ZIM3: variants seen among roughly 807,000 people sequenced by gnomAD.
The protein encoded by ZIM3 is zinc finger protein 657.
ZIM3 carries 11 observed loss-of-function variants against 12.9 expected under a neutral mutation model. The observed-to-expected ratio is 0.85, with a 90% CI of 0.54 to 1.41. The LOEUF (loss-of-function observed/expected upper bound fraction) is 1.41, where lower values mean the gene tolerates loss of function less well. Among genes scored for constraint, ZIM3 ranks in the 40% most tolerant of loss-of-function variants. The pLI is 0.00. For synonymous variants in ZIM3, 205 were observed against 198.5 expected (o/e 1.03, Z -0.28); for missense variants, 604 against 557.2 (o/e 1.08, Z -0.85).
intron 2 of ZIM3, among the ~76,000 whole-genome samples, chr19:57,139,596 C>CAG (rs1436596298): frequency 2.7e-5 from 4 of 148,152 alleles, no homozygotes; most frequent in Non-Finnish European, 6.0e-5. Context: ...TGTCGTGGTG[C>CAG]GCGCCTGTAA....
intron 1 of ZIM3, among the ~76,000 whole-genome samples, chr19:57,143,473 T>A (rs1358412996): frequency 6.6e-6 from 1 of 152,074 alleles, no homozygotes; most frequent in Non-Finnish European, 1.5e-5. Context: ...CCATGAATCC[T>A]GAAGCAGCTG....
intron 1 of ZIM3, among the ~76,000 whole-genome samples, chr19:57,143,299 C>G (rs8112988): frequency 0.33 from 49,745 of 149,466 alleles, 11,672 homozygotes; most frequent in African/African-American, 0.66. Context: ...CCACCGCACT[C>G]CAGCCTGGGC....
intron 2 of ZIM3, 37 bp downstream of exon 2, chr19:57,142,592 A>G (rs2086918304): frequency 6.2e-7 from 1 of 1,610,610 alleles, no homozygotes; most frequent in African/African-American, 1.3e-5. Flanking sequence ...TCATACGTTT[A>G]TTCATTATGA....
chr19:57,135,571 A>G lies in ZIM3; in HGVS notation c.766T>C (p.Cys256Arg). ...TKEKPYQCKTCGKAFSWKSSC... is the reference protein window; with the variant it reads ...TKEKPYQCKTRGKAFSWKSSC... ...GATTTCCAGGAAAAGGCTTTTCCAC[A>G]TGTCTTACACTGATAGGGTTTCTCT... The change falls in exon 5 of 5, where the codon TGT (cysteine) becomes CGT (arginine). Residue 256 changes from cysteine (C) to arginine (R), a missense_variant. Coordinates refer to ENST00000269834, the MANE Select transcript of ZIM3 (RefSeq NM_052882.1). The G allele has an allele frequency of 6.2e-7, 1 of 1,613,942 alleles. No individual in the cohort carries two copies. The highest frequency in any genetic ancestry group is 8.5e-7 in the Non-Finnish European group (1 of 1,179,952).
intron 4 of ZIM3, 139 bp from the exon 5 acceptor site, chr19:57,136,234 T>C (rs1390112559): frequency 1.3e-6 from 1 of 752,328 alleles, no homozygotes; most frequent in Non-Finnish European, 2.2e-6. Flanking sequence ...TAATATAAGC[T>C]CTGTTAGAGT....
In ZIM3 at chr19:57,145,010, G is replaced by T. The variant is rs1316445967; in HGVS notation, c.-194C>A. On this transcript the variant is annotated 5_prime_UTR_variant, in exon 1 of 5. Transcript: ENST00000269834. ...ATCGGCCCTCTACCCGCTGTATTCC[G>T]CATCATAATCCAGTCAAGAAACAAC... is the stretch of plus-strand genomic sequence containing the variant. 1 of 152,106 alleles carries T rather than the reference G, an allele frequency of 6.6e-6. No individual in the cohort carries two copies. The highest frequency in any genetic ancestry group is 1.5e-5 in the Non-Finnish European group (1 of 68,034). The allele number at this position is 152,106 out of a possible 1,614,324, so 9.4% of individuals were successfully genotyped here.
chr19:57,136,621 G>A (rs566083227), intron 4 of ZIM3, among the ~76,000 whole-genome samples: 15 of 147,100 alleles, frequency 1.0e-4, no homozygotes, highest in East Asian at 2.0e-4. Flanking sequence ...CCCAGATCGC[G>A]CCACTGCACT....
At chr19:57,138,734 C>G in intron 2 of ZIM3, 136 bp from the exon 3 acceptor site, 2 of 1,199,894 alleles carry the variant, frequency 1.7e-6, no homozygotes, top group South Asian at 1.5e-5. Flanking sequence ...TAAATTGTGC[C>G]CAGAGGATCT....
intron 1 of ZIM3, 65 bp from the exon 2 acceptor site, chr19:57,142,750 G>A (rs2086919185): frequency 7.8e-7 from 1 of 1,286,618 alleles, no homozygotes; most frequent in Non-Finnish European, 1.1e-6. Context: ...GGATCATCCA[G>A]CATAGAATGC....
At chr19:57,138,377 GCACCTCTGTGCCAACCCTATTTGGC>G in intron 3 of ZIM3, 70 bp downstream of exon 3, 1 of 1,559,888 alleles carries the variant, frequency 6.4e-7, no homozygotes, top group Non-Finnish European at 8.8e-7. Flanking sequence ...GAAGTGAGGA[GCACCTCTGTGCCAACCCTATTTGGC>G]CAGCCATGGG....
chr19:57,136,134 T>C, intron 4 of ZIM3, 39 bp from the exon 5 acceptor site: 2 of 1,527,466 alleles, frequency 1.3e-6, no homozygotes, highest in Non-Finnish European at 1.8e-6. Flanking sequence ...TGTAAAACGT[T>C]CCACTCACAT....
In ZIM3 at chr19:57,140,322, G is replaced by A. The variant is rs186062153; in HGVS notation, c.16-1724C>T. ...CTCCTGAGCAGCTGGGATTACAGGC[G>A]CGCACCACGACACCTGGCTAATTTT... On this transcript the variant is annotated intron_variant, in intron 2 of 4. Coordinates refer to ENST00000269834, the MANE Select transcript of ZIM3 (RefSeq NM_052882.1). Among the ~76,000 whole-genome samples the A allele has an allele frequency of 2.0e-4, 30 of 150,950 alleles. No homozygotes were observed. The East Asian group carries it at 3.3e-3, about 17-fold the overall frequency.
rs1220766305 is a variant in ZIM3 at position 57,136,918 on chromosome 19, C to A, written c.196G>T (p.Glu66Ter). 1 of 1,614,040 alleles carries A rather than the reference C, an allele frequency of 6.2e-7. No homozygotes were observed. The highest frequency in any genetic ancestry group is 2.2e-5 in the East Asian group (1 of 44,882). The change falls in exon 4 of 5, where the codon GAG becomes TAG. Residue 66 changes from glutamate (E) to a stop codon, truncating the protein, a stop_gained. Coordinates refer to ENST00000269834, the MANE Select transcript of ZIM3 (RefSeq NM_052882.1). LOFTEE classifies it low-confidence loss of function (END_TRUNC). ...DVILRLEQGKEPWLEEEEVLG... is the reference protein window; with the variant it reads ...DVILRLEQGK ...ACTTCCTCTTCCTCCAACCATGGCT[C>A]CTTTCCTTGTTCCAACCTCAAGATC...
At chr19:57,137,386 G>T (rs909304911) in intron 3 of ZIM3, among the ~76,000 whole-genome samples, 1 of 152,072 alleles carries the variant, frequency 6.6e-6, no homozygotes, top group African/African-American at 2.4e-5. Flanking sequence ...TATTCAGGAG[G>T]CTGAGGTGGG....
intron 2 of ZIM3, among the ~76,000 whole-genome samples, chr19:57,140,019 C>T (rs2086906663): frequency 6.6e-6 from 1 of 152,170 alleles, no homozygotes; most frequent in South Asian, 2.1e-4. Flanking sequence ...ACTCAACACT[C>T]ACAGTGTTGG....
chr19:57,134,895 G>GT lies in ZIM3; in HGVS notation c.*22dup. The GT allele has an allele frequency of 6.4e-7, 1 of 1,569,258 alleles. No individual in the cohort carries two copies. Among genetic ancestry groups the GT allele is most frequent in the African/African-American group, 1.4e-5 (1 of 72,814 alleles). On this transcript the variant is annotated 3_prime_UTR_variant, in exon 5 of 5. Transcript: ENST00000269834. ...ATTCCAGGCAACCATATCTTCCCAT[G>GT]TTTTTTTAAGTGCATGGGGCTCCTA...
chr19:57,142,231 C>A (rs1034195804), intron 2 of ZIM3, among the ~76,000 whole-genome samples: 2 of 148,868 alleles, frequency 1.3e-5, no homozygotes, highest in Admixed American at 1.4e-4. Context: ...GCAGCCTCAA[C>A]CTCCCAGGTT....
In ZIM3 at chr19:57,134,281, A is replaced by T. The variant is rs1398634974; in HGVS notation, c.*637T>A. ...AAGTGCTGTCTTATTTGTTTATTTT[A>T]TTTTATCTTATTTTTGAGATGAAAT... On this transcript the variant is annotated 3_prime_UTR_variant, in exon 5 of 5. Transcript: ENST00000269834. 1 of 152,216 alleles carries T rather than the reference A, an allele frequency of 6.6e-6. No homozygotes were observed. The highest frequency in any genetic ancestry group is 2.4e-5 in the African/African-American group (1 of 41,434). The allele number at this position is 152,216 out of a possible 1,614,324, so 9.4% of individuals were successfully genotyped here.
rs555672218 is a variant in ZIM3, at chr19:57,135,187, T to A, written c.1150A>T (p.Ile384Phe). The A allele has an allele frequency of 2.5e-6, 4 of 1,613,838 alleles. No homozygotes were observed. In the African/African-American group the frequency reaches 4.0e-5, roughly 16 times the overall value. Reference protein sequence around the residue: ...QKKNLIQHKKIHTGEKPYECN... With the variant: ...QKKNLIQHKKFHTGEKPYECN... ...TCATAGGGCTTTTCCCCAGTATGGA[T>A]TTTTTTATGTTGAATGAGGTTTTTC... Residue 384 changes from isoleucine to phenylalanine, a missense_variant, in exon 5 of 5, where the codon ATC becomes TTC. Ile to Phe is a conservative substitution (Grantham distance 21). Transcript: ENST00000269834.
Sources: gnomAD v4.1 joint callset for allele counts (sites outside exome capture counted in the v4.1 genomes callset) on GRCh38, gnomAD v4.1.1 for gene constraint, MANE v1.5 for transcripts, NCBI Gene and HGNC (gene_info 2026-07-23, HGNC 2026-07-21) for gene names.